The following CHN2 variants were observed in gnomAD, a reference collection of about 807,000 sequenced individuals.
CHN2 encodes the protein beta-chimaerin.
Under a neutral mutation model 56.3 loss-of-function variants are expected in CHN2, and 35 were observed. That is an observed-to-expected ratio of 0.62 (90% confidence interval 0.47 to 0.82). The LOEUF (loss-of-function observed/expected upper bound fraction) is 0.82, where lower values mean the gene tolerates loss of function less well. CHN2 is among the 40% of genes least tolerant of loss of function. The probability of loss-of-function intolerance (pLI) is 0.00; values close to 1 mark genes in which losing one functional copy is unlikely to be tolerated. For synonymous variants in CHN2, 210 were observed against 212.8 expected, an observed-to-expected ratio of 0.99 and a Z score of 0.12; for missense variants, 491 against 580.5, an observed-to-expected ratio of 0.85 and a Z score of 1.58.
chr7:29,332,972 C>A (rs1796338364), intron 1 of CHN2: 1 of 152,080 alleles, frequency 6.6e-6, no homozygotes. Context: ...CACAGGGAGT[C>A]AGAAAGGAGG....
intron 6 of CHN2, chr7:29,445,121 A>G (rs1244696662): frequency 2.2e-6 from 1 of 456,008 alleles, no homozygotes; most frequent in East Asian, 6.9e-5. Flanking sequence ...TTCTTCTGGA[A>G]CAGAAAGTTA....
rs565539312 is a variant in CHN2 at position 29,440,779 on chromosome 7, G to A, written c.577-39500G>A. The stretch of plus-strand genomic sequence containing the variant: ...AAAGGACTGCTAATCTGCTTTCAAG[G>A]TGTGTGATATCCAAACCCGTCATCA... On this transcript the variant is annotated intron_variant, in intron 6 of 12. Transcript: ENST00000222792. 2.6e-5 allele frequency among the ~76,000 whole-genome samples: 4 copies of A among 151,848 alleles called. No homozygotes were observed. In the South Asian group the frequency reaches 8.3e-4, roughly 32 times the overall value.
intron 1 of CHN2, among the ~76,000 whole-genome samples, chr7:29,205,524 A>G (rs1035928846): frequency 6.6e-6 from 1 of 152,212 alleles, no homozygotes; most frequent in Non-Finnish European, 1.5e-5. Flanking sequence ...CTGATCTCAT[A>G]AAGCTCATAT....
rs141638262 is a variant in CHN2, at chr7:29,337,480, C to T, written c.50-17145C>T. Among the ~76,000 whole-genome samples the T allele has an allele frequency of 3.6e-4, 55 of 152,236 alleles. 1 individual carries two copies. The South Asian group carries it at 1.0e-2, about 28-fold the overall frequency. ...ATGCAACACTCATAACAGCAGAGTG[C>T]GGAGAGGGGGTCTATTCTTCTCACT... On this transcript the variant is annotated intron_variant, in intron 1 of 12. Coordinates refer to ENST00000222792, the MANE Select transcript of CHN2 (RefSeq NM_004067.4).
In CHN2 at chr7:29,378,473, T is replaced by A. The variant is rs1019377657; in HGVS notation, c.144+10486T>A. On this transcript the variant is annotated intron_variant, in intron 3 of 12. Coordinates refer to ENST00000222792, the MANE Select transcript of CHN2 (RefSeq NM_004067.4). ...CGTTGGTCAGCTATATCCTGGAGAC[T>A]GTTTTGGTAAATAAAGTTTTATTAG... is the stretch of plus-strand genomic sequence containing the variant. Among the ~76,000 whole-genome samples the A allele has an allele frequency of 2.0e-5, 3 of 152,232 alleles. No individual in the cohort carries two copies. The East Asian group carries it at 5.8e-4, about 29-fold the overall frequency.
At chr7:29,455,124 G>T (rs1421519314) in intron 6 of CHN2, among the ~76,000 whole-genome samples, 1 of 152,076 alleles carries the variant, frequency 6.6e-6, no homozygotes. Flanking sequence ...CCAGGCTACG[G>T]ATGTAATGTT....
chr7:29,172,167 C>T (rs12536733), intron 2 of CHN2, among the ~76,000 whole-genome samples: 2,881 of 152,138 alleles, frequency 0.019, 199 homozygotes, highest in Admixed American at 0.12. Flanking sequence ...GGGGGGATTC[C>T]TGCAATGATT....
intron 3 of CHN2, among the ~76,000 whole-genome samples, chr7:29,389,917 G>A (rs978227166): frequency 2.0e-5 from 3 of 152,034 alleles, no homozygotes; most frequent in East Asian, 1.9e-4. Flanking sequence ...AGCCAGGCAC[G>A]GTGGTATGCG....
chr7:29,492,639 C>T (rs1343384420), intron 7 of CHN2, among the ~76,000 whole-genome samples: 1 of 152,188 alleles, frequency 6.6e-6, no homozygotes, highest in African/African-American at 2.4e-5. Context: ...CTTGACTCCA[C>T]ATCTCCCTTG....
In CHN2 at chr7:29,210,426, A is replaced by C. The variant is rs1167020571; in HGVS notation, c.49+15436A>C. 2.0e-5 allele frequency among the ~76,000 whole-genome samples: 3 copies of C among 151,420 alleles called. No homozygotes were observed. The East Asian group carries it at 5.8e-4, about 29-fold the overall frequency. ...CGTACACACACAGGCACACACACAC[A>C]CCCCACACACACACCGTGCACACAC... On this transcript the variant is annotated intron_variant, in intron 1 of 12. Transcript: ENST00000222792.
At chr7:29,295,801 C>T (rs1175356818) in intron 1 of CHN2, among the ~76,000 whole-genome samples, 1 of 152,192 alleles carries the variant, frequency 6.6e-6, no homozygotes, top group Non-Finnish European at 1.5e-5. Flanking sequence ...AAGTTTTTGA[C>T]TAATGCAGAT....
In CHN2 at chr7:29,511,507, T is replaced by A. The variant is rs548854663; in HGVS notation, c.1236-1057T>A. On this transcript the variant is annotated intron_variant, in intron 12 of 12. Coordinates refer to ENST00000222792, the MANE Select transcript of CHN2 (RefSeq NM_004067.4). ...TAGTGGGTTTGCCAGCCATCTTGTT[T>A]AGTCAGGCATAGTGCCTGACTTAAG... 5.3e-5 allele frequency among the ~76,000 whole-genome samples: 8 copies of A among 152,344 alleles called. 1 individual carries two copies. In the South Asian group the frequency reaches 1.7e-3, roughly 32 times the overall value.
intron 1 of CHN2, among the ~76,000 whole-genome samples, chr7:29,343,298 G>A (rs900283733): frequency 1.3e-5 from 2 of 152,184 alleles, no homozygotes; most frequent in African/African-American, 4.8e-5. Flanking sequence ...AGAGTGCCTC[G>A]GGAGAGAGGG....
intron 1 of CHN2, chr7:29,208,939 A>G (rs1320390166): frequency 3.9e-5 from 6 of 152,136 alleles, no homozygotes; most frequent in African/African-American, 9.7e-5. Context: ...GTCCCCTGGG[A>G]TCATATCTGA....
At chr7:29,282,871 G>A (rs901384497) in intron 1 of CHN2, among the ~76,000 whole-genome samples, 3 of 152,024 alleles carry the variant, frequency 2.0e-5, no homozygotes, top group Admixed American at 6.6e-5. Flanking sequence ...AATAGGAATC[G>A]TGAAAGAAGC....
chr7:29,147,948 C>T (rs1241781827), intron 2 of CHN2, among the ~76,000 whole-genome samples: 2 of 152,160 alleles, frequency 1.3e-5, no homozygotes, highest in Non-Finnish European at 2.9e-5. Flanking sequence ...CAGGGAGAGG[C>T]GATTTCCAGT....
chr7:29,364,783 TCAAA>T (rs1469180647), intron 2 of CHN2, among the ~76,000 whole-genome samples: 1 of 152,224 alleles, frequency 6.6e-6, no homozygotes, highest in Non-Finnish European at 1.5e-5. Flanking sequence ...TACATATGAT[TCAAA>T]ACTCAAAACA....
chr7:29,479,584 A>G (rs1786907070), intron 6 of CHN2: 1 of 815,308 alleles, frequency 1.2e-6, no homozygotes, highest in Non-Finnish European at 1.5e-6. Flanking sequence ...CTATAAGATT[A>G]AACAGTCATC....
At chr7:29,492,260 A>G (rs1430305339) in intron 7 of CHN2, among the ~76,000 whole-genome samples, 1 of 151,948 alleles carries the variant, frequency 6.6e-6, no homozygotes, top group Non-Finnish European at 1.5e-5. Flanking sequence ...TTCAAAGATA[A>G]CCTGTTTTGG....
Sources: gnomAD v4.1 joint callset for allele counts (sites outside exome capture counted in the v4.1 genomes callset) on GRCh38, gnomAD v4.1.1 for gene constraint, MANE v1.5 for transcripts, NCBI Gene and HGNC (gene_info 2026-07-23, HGNC 2026-07-21) for gene names.